Variants in PRSS23 observed in about 807,000 individuals in gnomAD.
The protein encoded by PRSS23 is protease, serine 23.
In PRSS23, 25 loss-of-function variants were observed where a neutral mutation model predicts 34.7. That is an observed-to-expected ratio of 0.72 (90% CI 0.53 to 1.01). The LOEUF (loss-of-function observed/expected upper bound fraction) is 1.01. Among genes scored for constraint, PRSS23 ranks in the 50% least tolerant of loss-of-function variants. PRSS23 has a pLI of 0.00. For missense variants in PRSS23, 445 were observed against 475.6 expected, an observed-to-expected ratio of 0.94 and a Z score of 0.60; for synonymous variants, 176 against 186.6, an observed-to-expected ratio of 0.94 and a Z score of 0.46.
At chr11:86,952,191 C>G in exon 3 of PRSS23, 1 of 1,613,240 alleles carries the variant, frequency 6.2e-7, no homozygotes, top group Non-Finnish European at 8.5e-7. Context: ...ATGTACTGAT[C>G]AGAATTGGTT....
chr11:86,906,396 C>T (rs1468771987), intron 2 of PRSS23, among the ~76,000 whole-genome samples: 3 of 152,256 alleles, frequency 2.0e-5, no homozygotes, highest in African/African-American at 7.2e-5. Flanking sequence ...GCTGCGCCCT[C>T]CGCCTGGTAC....
At chr11:86,927,409 C>T (rs1949088765) in intron 2 of PRSS23, among the ~76,000 whole-genome samples, 1 of 152,180 alleles carries the variant, frequency 6.6e-6, no homozygotes, top group Non-Finnish European at 1.5e-5. Flanking sequence ...CTGGCATTCT[C>T]CAGTTGGCAT....
At position 86,850,736 on chromosome 11, in the gene PRSS23, G is replaced by A. The variant is rs942901672; in HGVS notation, c.206+27143G>A. On this transcript the variant is annotated intron_variant, in intron 2 of 2. Coordinates refer to the PRSS23 transcript ENST00000533902. ...TCTATGCTCCCAATTCCAATTTCTT[G>A]TAAACATGCTTTGTAACGTCCTGTA... Among the ~76,000 whole-genome samples the A allele has an allele frequency of 5.3e-5, 8 of 152,116 alleles. 1 individual carries two copies. In the South Asian group the frequency reaches 1.5e-3, roughly 28 times the overall value.
intron 2 of PRSS23, among the ~76,000 whole-genome samples, chr11:86,843,927 G>A (rs956979543): frequency 6.6e-6 from 1 of 152,090 alleles, no homozygotes; most frequent in African/African-American, 2.4e-5. Context: ...TATACCCAAA[G>A]GATTAAAAAT....
chr11:86,829,227 G>A (rs1026191215), intron 2 of PRSS23, among the ~76,000 whole-genome samples: 21 of 151,934 alleles, frequency 1.4e-4, no homozygotes, highest in African/African-American at 3.6e-4. Context: ...TTCCCTTCTC[G>A]CTTCATTTCA....
At chr11:86,866,177 G>A (rs1457137770) in intron 2 of PRSS23, among the ~76,000 whole-genome samples, 4 of 152,188 alleles carry the variant, frequency 2.6e-5, no homozygotes, top group Middle Eastern at 3.2e-3. Flanking sequence ...CCTCAAAGTG[G>A]TAAGTTATCC....
intron 2 of PRSS23, among the ~76,000 whole-genome samples, chr11:86,843,967 A>G (rs922709270): frequency 2.6e-5 from 4 of 152,238 alleles, no homozygotes; most frequent in Middle Eastern, 3.2e-3. Context: ...ATGCCCACGA[A>G]TGTTTATTGT....
chr11:86,874,506 G>A (rs1245376894), intron 2 of PRSS23, among the ~76,000 whole-genome samples: 1 of 152,184 alleles, frequency 6.6e-6, no homozygotes, highest in Non-Finnish European at 1.5e-5. Flanking sequence ...GGGACCATCC[G>A]CCAGTCATGC....
At chr11:86,851,724 A>G (rs1948531222) in intron 2 of PRSS23, among the ~76,000 whole-genome samples, 1 of 152,202 alleles carries the variant, frequency 6.6e-6, no homozygotes, top group Admixed American at 6.5e-5. Context: ...AGCTGCATAG[A>G]CCACAGAGCT....
At chr11:86,951,557 A>T (rs1949292508) in exon 3 of PRSS23, 1 of 1,614,044 alleles carries the variant, frequency 6.2e-7, no homozygotes, top group Non-Finnish European at 8.5e-7. Flanking sequence ...AGTTCCAATG[A>T]CCAAATAAGT....
Position 86,808,545 on chromosome 11 carries a change from C to T in PRSS23, c.902C>T (p.Thr301Ile). The T allele has an allele frequency of 6.2e-7, 1 of 1,614,220 alleles. No individual in the cohort carries two copies. Among genetic ancestry groups the T allele is most frequent in the Non-Finnish European group, 8.5e-7 (1 of 1,180,044 alleles). ...CGCTTCTGTGACGTCAAAGACGAGA[C>T]CTATGACTTGCTCTACCAGCAATGC... is the stretch of plus-strand genomic sequence containing the variant. ...VYRFCDVKDE[T>I]YDLLYQQCDA... The change falls in exon 2 of 2, where the codon ACC becomes ATC. Residue 301 changes from threonine (T) to isoleucine (I), a missense_variant. Thr to Ile is a moderately conservative substitution (Grantham distance 89, BLOSUM62 -1). Coordinates refer to ENST00000280258, the MANE Select transcript of PRSS23 (RefSeq NM_007173.6).
At chr11:86,873,906 T>A (rs1272485855) in intron 2 of PRSS23, among the ~76,000 whole-genome samples, 1 of 152,208 alleles carries the variant, frequency 6.6e-6, no homozygotes, top group Admixed American at 6.5e-5. Flanking sequence ...TGTGATTTAG[T>A]TACTCAGACT....
chr11:86,823,219 T>C (rs1948266530), intron 1 of PRSS23: 2 of 606,322 alleles, frequency 3.3e-6, no homozygotes, highest in Admixed American at 5.8e-5. Flanking sequence ...TCTTTTACTT[T>C]AGTATTCCTA....
chr11:86,863,211 C>G (rs545969839), intron 2 of PRSS23, among the ~76,000 whole-genome samples: 1 of 152,188 alleles, frequency 6.6e-6, no homozygotes, highest in South Asian at 2.1e-4. Context: ...AGACATTACT[C>G]CTAATATAAC....
intron 2 of PRSS23, among the ~76,000 whole-genome samples, chr11:86,928,708 TGGCA>T (rs1949102273): frequency 5.3e-5 from 1 of 18,828 alleles, no homozygotes; most frequent in African/African-American, 1.3e-4. Flanking sequence ...AAAAAAAAAT[TGGCA>T]AGACATATAC....
intron 2 of PRSS23, among the ~76,000 whole-genome samples, chr11:86,824,900 T>A (rs1433870848): frequency 6.6e-6 from 1 of 152,184 alleles, no homozygotes; most frequent in Non-Finnish European, 1.5e-5. Context: ...TTGGATTGGT[T>A]CCAAGTCTTT....
chr11:86,863,706 T>C (rs1458066911), intron 2 of PRSS23, among the ~76,000 whole-genome samples: 3 of 152,332 alleles, frequency 2.0e-5, no homozygotes, highest in African/African-American at 7.2e-5. Context: ...TTTTCTCTTC[T>C]CCAGAATCCC....
intron 2 of PRSS23, chr11:86,833,528 C>G (rs1948377837): frequency 3.8e-6 from 1 of 262,204 alleles, no homozygotes; most frequent in South Asian, 5.3e-5. Context: ...AGACAGAGCT[C>G]CCATACAAAG....
intron 2 of PRSS23, among the ~76,000 whole-genome samples, chr11:86,916,594 A>AAG (rs1447961876): frequency 6.6e-6 from 1 of 152,210 alleles, no homozygotes; most frequent in Non-Finnish European, 1.5e-5. Flanking sequence ...GGTTAGTGGA[A>AAG]AGAGAGAAAA....
Sources: allele counts gnomAD v4.1 joint callset (sites outside exome capture counted in the v4.1 genomes callset), GRCh38; gene constraint gnomAD v4.1.1; transcripts MANE v1.5; gene names NCBI Gene and HGNC (gene_info 2026-07-23, HGNC 2026-07-21).